The following EIF4G3 variants were observed in gnomAD, a reference collection of about 807,000 sequenced individuals.
EIF4G3 encodes eIF-4-gamma 3.
A neutral mutation model predicts 186.4 loss-of-function variants in EIF4G3; 34 were observed. That is an observed-to-expected ratio of 0.18 (90% confidence interval 0.14 to 0.24). The LOEUF (loss-of-function observed/expected upper bound fraction) is 0.24. EIF4G3 is among the 10% of genes least tolerant of loss of function. EIF4G3 has a pLI of 1.00. For missense variants in EIF4G3, 1,536 were observed against 1,948.5 expected (o/e 0.79, Z 3.99); for synonymous variants, 673 against 679.5 (o/e 0.99, Z 0.15).
intron 2 of EIF4G3, among the ~76,000 whole-genome samples, chr1:21,166,162 CA>C (rs1271173024): frequency 2.0e-5 from 3 of 147,428 alleles, no homozygotes; most frequent in Non-Finnish European, 4.5e-5. Flanking sequence ...CTCAATGGCT[CA>C]TACCTGTAAT....
intron 4 of EIF4G3, among the ~76,000 whole-genome samples, chr1:21,021,986 G>A (rs886352193): frequency 6.6e-6 from 1 of 152,068 alleles, no homozygotes; most frequent in Non-Finnish European, 1.5e-5. Context: ...CAGCAAATAC[G>A]TAAATTTCTA....
chr1:21,086,966 T>C (rs972813380), intron 3 of EIF4G3, among the ~76,000 whole-genome samples: 5 of 148,090 alleles, frequency 3.4e-5, no homozygotes, highest in Non-Finnish European at 6.0e-5. Context: ...AAAAAAGAAA[T>C]GGCCTGATGG....
intron 18 of EIF4G3, among the ~76,000 whole-genome samples, chr1:20,887,523 G>A (rs941220069): frequency 6.6e-6 from 1 of 151,992 alleles, no homozygotes; most frequent in Non-Finnish European, 1.5e-5. Context: ...GCCCCAATTA[G>A]AAATGGTAGT....
chr1:21,003,074 C>T (rs1273366686), intron 4 of EIF4G3, among the ~76,000 whole-genome samples: 1 of 150,946 alleles, frequency 6.6e-6, no homozygotes, highest in South Asian at 2.1e-4. Flanking sequence ...CGGCTCACTG[C>T]AGCCTCAAAC....
intron 36 of EIF4G3, among the ~76,000 whole-genome samples, chr1:20,808,963 T>A (rs1346548265): frequency 6.6e-6 from 1 of 152,158 alleles, no homozygotes; most frequent in African/African-American, 2.4e-5. Context: ...ATTAGGTTTA[T>A]CATGAGTCGT....
At position 20,857,444 on chromosome 1, in the gene EIF4G3, T is replaced by G; in HGVS notation, c.3298A>C (p.Ser1100Arg). 3 of 1,614,170 alleles carry G rather than the reference T, an allele frequency of 1.9e-6. No homozygotes were observed. The highest frequency in any genetic ancestry group is 2.5e-6 in the Non-Finnish European group (3 of 1,180,036). ...AATTTTGAGGGGTCCAGTACCCGAC[T>G]GTTCTTGGCCCCTTGTACAGTGTTC... ...GWNTVQGAKN[S>R]RVLDPSKFLK... The change falls in exon 25 of 37, where the codon AGT becomes CGT. Residue 1100 changes from serine to arginine, a missense_variant. Physicochemically the swap from Ser to Arg is moderately radical, Grantham distance 110. Around this residue, in one of 11 missense-constraint regions of EIF4G3, gnomAD observed 110 missense variants for 166.2 expected, o/e 0.66. Coordinates refer to ENST00000602326, the MANE Select transcript of EIF4G3 (RefSeq NM_001391906.1).
At chr1:21,024,059 C>T (rs1412971309) in intron 4 of EIF4G3, among the ~76,000 whole-genome samples, 3 of 150,050 alleles carry the variant, frequency 2.0e-5, no homozygotes, top group South Asian at 2.1e-4. Context: ...ACCCTCCGCC[C>T]GGCAGCTGCC....
chr1:20,849,046 C>CAAAAAAAAAA (rs60344352), intron 29 of EIF4G3, among the ~76,000 whole-genome samples: 2 of 17,392 alleles, frequency 1.1e-4, no homozygotes, highest in Non-Finnish European at 2.6e-4. Context: ...GACTCTGTCT[C>CAAAAAAAAAA]AAAAAAAAAA....
At chr1:20,990,549 G>A (rs2080853185) in intron 7 of EIF4G3, among the ~76,000 whole-genome samples, 1 of 152,122 alleles carries the variant, frequency 6.6e-6, no homozygotes, top group Non-Finnish European at 1.5e-5. Context: ...GCACATGCCT[G>A]TAATCTCAGC....
chr1:20,990,220 CAA>C (rs1300152900), intron 7 of EIF4G3, among the ~76,000 whole-genome samples: 1 of 151,594 alleles, frequency 6.6e-6, no homozygotes, highest in East Asian at 2.0e-4. Context: ...ATCAATGTGA[CAA>C]ACTTTGTCTT....
intron 12 of EIF4G3, among the ~76,000 whole-genome samples, chr1:20,950,508 T>C (rs12726072): frequency 0.027 from 4,165 of 152,140 alleles, 87 homozygotes; most frequent in Non-Finnish European, 0.038. Context: ...ACTTCATGTA[T>C]AAATTACCTA....
intron 4 of EIF4G3, among the ~76,000 whole-genome samples, chr1:21,035,459 G>A (rs970074186): frequency 6.6e-6 from 1 of 152,156 alleles, no homozygotes; most frequent in African/African-American, 2.4e-5. Context: ...GTCACCACAG[G>A]CTCAGGGGTG....
intron 2 of EIF4G3, among the ~76,000 whole-genome samples, chr1:21,147,006 T>C (rs2097454792): frequency 6.6e-6 from 1 of 152,054 alleles, no homozygotes; most frequent in Non-Finnish European, 1.5e-5. Flanking sequence ...CTCCCGCTTA[T>C]AACCCCAGCA....
chr1:20,902,634 A>T (rs569364063), intron 15 of EIF4G3, among the ~76,000 whole-genome samples: 22 of 152,206 alleles, frequency 1.4e-4, no homozygotes, highest in African/African-American at 4.8e-4. Context: ...GTTTTTAAAA[A>T]TTTTTTAGGT....
Position 20,857,320 on chromosome 1 carries a change from T to C in EIF4G3, c.3339+83A>G, listed in dbSNP as rs2075258807. On this transcript the variant is annotated intron_variant, in intron 25 of 36. Transcript: ENST00000602326. ...CTTTTGAGACACGTTTTGCAACTAT[T>C]GTAAATTGTGTGTGTGTGTGTGTGT... is the stretch of plus-strand genomic sequence containing the variant. 6.1e-6 allele frequency: 7 copies of C among 1,151,182 alleles called. No homozygotes were observed. The South Asian group carries it at 7.6e-5, about 13-fold the overall frequency. 71.3% of individuals were successfully genotyped at this position (1,151,182 alleles called of 1,614,324 possible).
chr1:21,001,409 G>C (rs1311800098), intron 5 of EIF4G3, 97 bp from the exon 6 acceptor site: 3 of 437,842 alleles, frequency 6.9e-6, no homozygotes, highest in Non-Finnish European at 1.4e-5. Context: ...TTGATAATCA[G>C]AAATTAGGGT....
intron 17 of EIF4G3, among the ~76,000 whole-genome samples, chr1:20,894,216 A>C (rs1291545636): frequency 6.6e-6 from 1 of 152,234 alleles, no homozygotes; most frequent in Non-Finnish European, 1.5e-5. Context: ...TGGACAACAT[A>C]AAGTTAAGCA....
chr1:21,053,225 C>T (rs1174925926), intron 3 of EIF4G3, among the ~76,000 whole-genome samples: 2 of 151,588 alleles, frequency 1.3e-5, no homozygotes, highest in Non-Finnish European at 2.9e-5. Context: ...CGTCTCTGCC[C>T]GGCCGCCCCG....
chr1:21,098,610 CAACA>C (rs2096444759), intron 2 of EIF4G3, among the ~76,000 whole-genome samples: 2 of 143,352 alleles, frequency 1.4e-5, no homozygotes, highest in African/African-American at 5.1e-5. Context: ...AATAACAAGA[CAACA>C]AACAACCTAA....
Sources: allele counts gnomAD v4.1 joint callset (sites outside exome capture counted in the v4.1 genomes callset), GRCh38; gene constraint gnomAD v4.1.1; regional missense constraint gnomAD v4.1.1; transcripts MANE v1.5; gene names NCBI Gene and HGNC (gene_info 2026-07-23, HGNC 2026-07-21).